Variants in PYGL observed in about 807,000 individuals in gnomAD.
The protein encoded by PYGL is glycogen phosphorylase, liver form.
In PYGL, 90 loss-of-function variants were observed where a neutral mutation model predicts 100.1. That is an observed-to-expected ratio of 0.90 (90% CI 0.76 to 1.07). The LOEUF (loss-of-function observed/expected upper bound fraction) is 1.07. PYGL is among the 50% of genes least tolerant of loss of function. The pLI is 0.00. For synonymous variants in PYGL, 373 were observed against 393.0 expected, an observed-to-expected ratio of 0.95 and a Z score of 0.60; for missense variants, 1,016 against 1,057.6, an observed-to-expected ratio of 0.96 and a Z score of 0.55.
intron 10 of PYGL, 52 bp from the exon 11 acceptor site, chr14:50,915,551 T>C (rs1488046277): frequency 6.2e-7 from 1 of 1,603,672 alleles, no homozygotes; most frequent in East Asian, 2.2e-5. Context: ...TAATGCAACA[T>C]TGGGATAACG....
intron 10 of PYGL, 85 bp from the exon 11 acceptor site, chr14:50,915,584 C>T (rs112334020): frequency 2.2e-5 from 34 of 1,544,392 alleles, no homozygotes; most frequent in African/African-American, 2.0e-4. Context: ...TAAGCAAAAT[C>T]TTTGGTGTAC....
chr14:50,910,804 A>T (rs569418888), intron 16 of PYGL, among the ~76,000 whole-genome samples: 1 of 152,282 alleles, frequency 6.6e-6, no homozygotes, highest in Admixed American at 6.5e-5. Context: ...CAGGGAAATA[A>T]GCCACACGTA....
chr14:50,914,312 C>G (rs1383886712), intron 12 of PYGL, among the ~76,000 whole-genome samples: 2 of 152,104 alleles, frequency 1.3e-5, no homozygotes, highest in African/African-American at 4.8e-5. Context: ...GCCTGGCCAA[C>G]ATGGTAAAAC....
At chr14:50,937,622 G>A in intron 2 of PYGL, 114 bp downstream of exon 2, 6 of 996,930 alleles carry the variant, frequency 6.0e-6, no homozygotes, top group Non-Finnish European at 9.6e-6. Context: ...CACATCTATA[G>A]AGGCGATTTT....
chr14:50,942,616 G>C (rs2050710792), intron 1 of PYGL, among the ~76,000 whole-genome samples: 1 of 139,760 alleles, frequency 7.2e-6, no homozygotes, highest in Non-Finnish European at 1.6e-5. Flanking sequence ...GAGGCCAGGA[G>C]TTTGAGAGCA....
chr14:50,935,127 C>A lies in PYGL; in HGVS notation c.404G>T (p.Gly135Val), dbSNP rs1358067880. ...CTTACCAGCAAGTCTCCCAAGACCA[C>A]CATTGCCAAGTCCAGCATCTTCTTC... The part of the protein sequence containing the change: ...EIEEDAGLGN[G>V]GLGRLAACFL... The change falls in exon 3 of 20, where the codon GGT (glycine) becomes GTT (valine). Residue 135 changes from glycine to valine, a missense_variant. Coordinates refer to ENST00000216392, the MANE Select transcript of PYGL (RefSeq NM_002863.5). The A allele has an allele frequency of 1.9e-6, 3 of 1,612,166 alleles. No homozygotes were observed. The highest frequency in any genetic ancestry group is 2.5e-6 in the Non-Finnish European group (3 of 1,178,314).
intron 7 of PYGL, among the ~76,000 whole-genome samples, chr14:50,919,712 C>T (rs912672228): frequency 2.6e-5 from 4 of 152,026 alleles, no homozygotes; most frequent in African/African-American, 7.2e-5. Context: ...GAGAGAGTCT[C>T]ACTCTGTCAC....
chr14:50,909,760 G>T, intron 17 of PYGL, 135 bp downstream of exon 17: 1 of 969,458 alleles, frequency 1.0e-6, no homozygotes, highest in Non-Finnish European at 1.7e-6. Flanking sequence ...CCTCATCGTG[G>T]GAGATGTTCT....
intron 4 of PYGL, among the ~76,000 whole-genome samples, chr14:50,924,803 T>C (rs1216039611): frequency 6.6e-6 from 1 of 152,220 alleles, no homozygotes; most frequent in East Asian, 1.9e-4. Context: ...TGTCAATTTA[T>C]AACAAAATAT....
intron 1 of PYGL, among the ~76,000 whole-genome samples, chr14:50,938,992 T>C (rs2050680328): frequency 6.6e-6 from 1 of 152,200 alleles, no homozygotes; most frequent in Non-Finnish European, 1.5e-5. Flanking sequence ...CCTCCTTGGC[T>C]GATTACTGTA....
chr14:50,934,337 C>G (rs1022775781), intron 3 of PYGL, among the ~76,000 whole-genome samples: 9 of 152,102 alleles, frequency 5.9e-5, no homozygotes, highest in African/African-American at 2.2e-4. Context: ...GACCTGGAGT[C>G]TACCACTGAA....
rs745863347 is a variant in PYGL at position 50,920,632 on chromosome 14, A to G, written c.773-9T>C. The G allele has an allele frequency of 6.3e-7, 1 of 1,598,566 alleles. No individual in the cohort carries two copies. The highest frequency in any genetic ancestry group is 8.6e-7 in the Non-Finnish European group (1 of 1,165,886). On this transcript the variant is annotated splice_polypyrimidine_tract_variant and intron_variant, in intron 6 of 19. Coordinates refer to ENST00000216392, the MANE Select transcript of PYGL (RefSeq NM_002863.5). ...GTAGTCTCCAACATTAACTAGGGGA[A>G]AGTTAGAGAAACAATAAATAGAGAA...
In PYGL at chr14:50,909,845, T is replaced by C. The variant is rs770948475; in HGVS notation, c.2177+50A>G. The C allele has an allele frequency of 8.8e-6, 14 of 1,599,394 alleles. No homozygotes were observed. In the African/African-American group the frequency reaches 1.9e-4, roughly 21 times the overall value. On this transcript the variant is annotated intron_variant, in intron 17 of 19. Coordinates refer to ENST00000216392, the MANE Select transcript of PYGL (RefSeq NM_002863.5). Reference sequence around the variant, plus strand: ...GGAAGCCCTCTGAGGTCACATACCTTCTAGGGGGGAGGGGCAGTCCTGCCT... The same window carrying C: ...GGAAGCCCTCTGAGGTCACATACCTCCTAGGGGGGAGGGGCAGTCCTGCCT...
intron 1 of PYGL, among the ~76,000 whole-genome samples, chr14:50,941,870 T>G (rs1482591637): frequency 2.0e-5 from 3 of 152,134 alleles, no homozygotes; most frequent in Non-Finnish European, 4.4e-5. Context: ...AGAGTGAGAC[T>G]CTGTCACAAA....
At chr14:50,940,536 G>C (rs1367358430) in intron 1 of PYGL, among the ~76,000 whole-genome samples, 4 of 152,194 alleles carry the variant, frequency 2.6e-5, no homozygotes. Context: ...GGAACGTAAG[G>C]TGATTCCCTG....
At chr14:50,934,731 G>A (rs1014588839) in intron 3 of PYGL, among the ~76,000 whole-genome samples, 1 of 152,142 alleles carries the variant, frequency 6.6e-6, no homozygotes, top group Non-Finnish European at 1.5e-5. Context: ...CAGAAAAAAG[G>A]TCTGGAATTC....
chr14:50,923,890 C>T, intron 5 of PYGL, 79 bp downstream of exon 5: 1 of 1,504,304 alleles, frequency 6.6e-7, no homozygotes, highest in Non-Finnish European at 9.2e-7. Context: ...AATATCACCA[C>T]TATATGCTAC....
intron 18 of PYGL, 146 bp downstream of exon 18, chr14:50,908,675 C>A: frequency 2.5e-6 from 3 of 1,181,460 alleles, no homozygotes; most frequent in Non-Finnish European, 3.6e-6. Flanking sequence ...GCAGATCACG[C>A]TAATCTATGC....
At chr14:50,926,856 G>A (rs969743672) in intron 4 of PYGL, among the ~76,000 whole-genome samples, 2 of 151,366 alleles carry the variant, frequency 1.3e-5, no homozygotes, top group African/African-American at 4.9e-5. Flanking sequence ...AATACTTTAT[G>A]CTGCACTTAG....
Sources: allele counts gnomAD v4.1 joint callset (sites outside exome capture counted in the v4.1 genomes callset), GRCh38; gene constraint gnomAD v4.1.1; transcripts MANE v1.5; gene names NCBI Gene and HGNC (gene_info 2026-07-23, HGNC 2026-07-21).